Variants in GRM5 observed in about 807,000 individuals in gnomAD.
The protein encoded by GRM5 is glutamate metabotropic receptor 5.
In GRM5, 19 loss-of-function variants were observed where a neutral mutation model predicts 83.1. The ratio of observed to expected loss-of-function variants is 0.23; its 90% CI spans 0.16 to 0.34. GRM5 has a LOEUF of 0.34. GRM5 is among the 10% of genes least tolerant of loss of function. GRM5 has a pLI of 1.00. For missense variants in GRM5, 1,160 were observed against 1,588.3 expected (o/e 0.73, Z 4.58); for synonymous variants, 675 against 633.6 (o/e 1.07, Z -0.98).
intron 6 of GRM5, among the ~76,000 whole-genome samples, chr11:88,592,333 T>A (rs1278615053): frequency 6.6e-6 from 1 of 152,208 alleles, no homozygotes; most frequent in East Asian, 1.9e-4. Flanking sequence ...TCTAATAATG[T>A]TACCTATTTC....
At chr11:88,660,044 C>T (rs895155810) in intron 3 of GRM5, among the ~76,000 whole-genome samples, 3 of 152,134 alleles carry the variant, frequency 2.0e-5, no homozygotes, top group African/African-American at 7.2e-5. Flanking sequence ...CATTTGAATG[C>T]CTCCTCTGTG....
rs1208250853 is a variant in GRM5, at chr11:88,991,668, T to C, written c.661+55544A>G. Among the ~76,000 whole-genome samples the C allele has an allele frequency of 8.0e-5, 12 of 150,746 alleles. No homozygotes were observed. In the East Asian group the frequency reaches 2.3e-3, roughly 29 times the overall value. On this transcript the variant is annotated intron_variant, in intron 2 of 9. Coordinates refer to ENST00000305447, the MANE Select transcript of GRM5 (RefSeq NM_001143831.3). Reference sequence around the variant, plus strand: ...TGGTACTGGTACCAAAACAGAAATATAGATCAATGGAACAGAACAGAGCCC... The same window carrying C: ...TGGTACTGGTACCAAAACAGAAATACAGATCAATGGAACAGAACAGAGCCC...
intron 4 of GRM5, among the ~76,000 whole-genome samples, chr11:88,615,635 A>C (rs1474432024): frequency 6.8e-6 from 1 of 147,486 alleles, no homozygotes; most frequent in Non-Finnish European, 1.5e-5. Flanking sequence ...TATTTCCACT[A>C]TAGATTAAGA....
intron 8 of GRM5, among the ~76,000 whole-genome samples, chr11:88,558,231 T>A (rs1349192402): frequency 2.0e-5 from 3 of 152,126 alleles, no homozygotes; most frequent in Non-Finnish European, 4.4e-5. Context: ...TTAGGCACTC[T>A]CTCCAAAGAA....
At chr11:88,874,630 G>GA (rs1344980686) in intron 2 of GRM5, among the ~76,000 whole-genome samples, 1 of 151,742 alleles carries the variant, frequency 6.6e-6, no homozygotes, top group African/African-American at 2.4e-5. Context: ...CACAGCAAAG[G>GA]AAAAAATCAA....
intron 2 of GRM5, among the ~76,000 whole-genome samples, chr11:88,910,988 T>C (rs1945487772): frequency 6.6e-6 from 1 of 152,154 alleles, no homozygotes; most frequent in Non-Finnish European, 1.5e-5. Flanking sequence ...TTTTAAGGTT[T>C]AAATCTTTTA....
chr11:88,654,435 G>A (rs1939716127), intron 3 of GRM5, among the ~76,000 whole-genome samples: 1 of 152,050 alleles, frequency 6.6e-6, no homozygotes. Flanking sequence ...CTGTATATCT[G>A]CTGGAACCCA....
At position 88,604,879 on chromosome 11, in the gene GRM5, G is replaced by C; in HGVS notation, c.1233C>G (p.Leu411=). Residue 411 remains leucine, a synonymous_variant, in exon 5 of 10, where the codon CTC becomes CTG. Transcript: ENST00000305447. ...INAIYSMAYG[L]HNMQMSLCPG... ...GGCAGAGGGACATCTGCATGTTGTG[G>C]AGCCCATAGGCCATCGAATAGATGG... is the stretch of plus-strand genomic sequence containing the variant. The C allele has an allele frequency of 3.1e-6, 5 of 1,613,458 alleles. No individual in the cohort carries two copies. Among genetic ancestry groups the C allele is most frequent in the Non-Finnish European group, 4.2e-6 (5 of 1,179,400 alleles).
chr11:88,657,998 A>G (rs376054051), intron 3 of GRM5, among the ~76,000 whole-genome samples: 10 of 152,108 alleles, frequency 6.6e-5, no homozygotes, highest in Non-Finnish European at 1.5e-4. Context: ...GGAGTCCCCA[A>G]ACCCCAGGTT....
rs894894368 is a variant in GRM5, at chr11:88,765,411, A to C, written c.911+84495T>G. Among the ~76,000 whole-genome samples the C allele has an allele frequency of 3.5e-5, 5 of 143,222 alleles. No homozygotes were observed. The South Asian group carries it at 8.6e-4, about 25-fold the overall frequency. 94.0% of individuals were successfully genotyped at this position (143,222 alleles called of 152,430 possible). A position where few individuals can be genotyped will look rare whatever the true frequency, so the allele number is the denominator to read the frequency against. On this transcript the variant is annotated intron_variant, in intron 3 of 9. Transcript: ENST00000305447. ...AGACAATTTGAAAAAAAAAAAAAAA[A>C]AAAACAAAGTGGAAGGACTCACACT... is the stretch of plus-strand genomic sequence containing the variant.
At chr11:88,834,514 A>G (rs1434259488) in intron 3 of GRM5, among the ~76,000 whole-genome samples, 1 of 152,240 alleles carries the variant, frequency 6.6e-6, no homozygotes, top group African/African-American at 2.4e-5. Context: ...CAAGTCTAAT[A>G]ATATGAAGTC....
chr11:89,027,006 T>G (rs555467861), intron 2 of GRM5, among the ~76,000 whole-genome samples: 1 of 152,230 alleles, frequency 6.6e-6, no homozygotes, highest in African/African-American at 2.4e-5. Flanking sequence ...CAGAGACAAG[T>G]TTTCCTTTCC....
chr11:88,651,813 T>C (rs1287556530), intron 4 of GRM5, among the ~76,000 whole-genome samples: 1 of 152,048 alleles, frequency 6.6e-6, no homozygotes, highest in African/African-American at 2.4e-5. Flanking sequence ...TAGGAACTGA[T>C]ATGAGATTGC....
At chr11:88,986,647 G>C (rs556984984) in intron 2 of GRM5, among the ~76,000 whole-genome samples, 7 of 151,246 alleles carry the variant, frequency 4.6e-5, no homozygotes, top group East Asian at 1.9e-4. Context: ...CCAAGCCATA[G>C]GTTGCCTTTT....
At chr11:88,814,588 C>T (rs1372232141) in intron 3 of GRM5, among the ~76,000 whole-genome samples, 1 of 152,134 alleles carries the variant, frequency 6.6e-6, no homozygotes, top group Non-Finnish European at 1.5e-5. Context: ...ATACTAAACA[C>T]AGCTGTAGTC....
At chr11:88,582,334 T>C (rs1202680671) in intron 7 of GRM5, among the ~76,000 whole-genome samples, 1 of 152,206 alleles carries the variant, frequency 6.6e-6, no homozygotes, top group Non-Finnish European at 1.5e-5. Context: ...TTAACTATTG[T>C]ATGCATTATA....
At chr11:89,042,957 T>C (rs1941565934) in intron 2 of GRM5, among the ~76,000 whole-genome samples, 1 of 152,122 alleles carries the variant, frequency 6.6e-6, no homozygotes, top group African/African-American at 2.4e-5. Flanking sequence ...TTTTTTGCTG[T>C]AACAAATTAA....
intron 3 of GRM5, among the ~76,000 whole-genome samples, chr11:88,727,817 A>C (rs1158067960): frequency 6.6e-6 from 1 of 152,194 alleles, no homozygotes; most frequent in Non-Finnish European, 1.5e-5. Context: ...GAAATAAATA[A>C]GTTGCTTGAA....
chr11:88,974,802 C>A (rs1591011257), intron 2 of GRM5, among the ~76,000 whole-genome samples: 1 of 152,200 alleles, frequency 6.6e-6, no homozygotes, highest in East Asian at 1.9e-4. Flanking sequence ...TTCTCTCTCA[C>A]CCCATTAAAT....
Sources: gnomAD v4.1 joint callset for allele counts (sites outside exome capture counted in the v4.1 genomes callset) on GRCh38, gnomAD v4.1.1 for gene constraint, MANE v1.5 for transcripts, NCBI Gene and HGNC (gene_info 2026-07-23, HGNC 2026-07-21) for gene names.